Variants in PKNOX2 observed in about 807,000 individuals in gnomAD.
PKNOX2 encodes homeobox protein PKNOX2.
A neutral mutation model predicts 53.1 loss-of-function variants in PKNOX2; 14 were observed. The ratio of observed to expected loss-of-function variants is 0.26; its 90% confidence interval spans 0.17 to 0.41. The LOEUF (loss-of-function observed/expected upper bound fraction) is 0.41, where lower values mean the gene tolerates loss of function less well. Ranked by LOEUF, PKNOX2 falls within the 10% of genes least tolerant of loss-of-function variation. The pLI is 1.00. For missense variants in PKNOX2, 496 were observed against 602.8 expected (o/e 0.82, Z 1.85); for synonymous variants, 257 against 242.8 (o/e 1.06, Z -0.54).
intron 1 of PKNOX2, among the ~76,000 whole-genome samples, chr11:125,212,307 G>A (rs1939934438): frequency 6.6e-6 from 1 of 152,112 alleles, no homozygotes; most frequent in African/African-American, 2.4e-5. Context: ...TGGTGGATTT[G>A]AGATCCTGGA....
At chr11:125,208,743 T>G (rs1240047437) in intron 1 of PKNOX2, among the ~76,000 whole-genome samples, 1 of 151,680 alleles carries the variant, frequency 6.6e-6, no homozygotes, top group East Asian at 1.9e-4. Flanking sequence ...AATTCCAAGA[T>G]TCATACAGCT....
At chr11:125,428,380 A>C (rs925596649) in intron 10 of PKNOX2, among the ~76,000 whole-genome samples, 1 of 152,190 alleles carries the variant, frequency 6.6e-6, no homozygotes, top group Admixed American at 6.5e-5. Context: ...CTTCATCTGC[A>C]AAGTGGGAAT....
chr11:125,320,421 A>G (rs1301158713), intron 2 of PKNOX2, among the ~76,000 whole-genome samples: 1 of 152,122 alleles, frequency 6.6e-6, no homozygotes, highest in Non-Finnish European at 1.5e-5. Context: ...AGGAGCTGAG[A>G]GGATGAATGG....
intron 1 of PKNOX2, among the ~76,000 whole-genome samples, chr11:125,189,469 A>G (rs1365747381): frequency 1.1e-4 from 13 of 122,426 alleles, no homozygotes; most frequent in East Asian, 2.4e-4. Context: ...ATATATATAT[A>G]TATATATATA....
rs1273060744 is a variant in PKNOX2 at position 125,422,547 on chromosome 11, A to C, written c.937-6465A>C. Among the ~76,000 whole-genome samples, 3 of 152,034 alleles carry C rather than the reference A, an allele frequency of 2.0e-5. No homozygotes were observed. The highest frequency in any genetic ancestry group is 7.2e-5 in the African/African-American group (3 of 41,386). On this transcript the variant is annotated intron_variant, in intron 10 of 12. Transcript: ENST00000298282. This position sits in a 1 kb window ranked among gnomAD's most constrained non-coding sequence, Gnocchi z 4.1. ...CCCTGCTGGCAATGTGTCCCCAGGG[A>C]AGGAAGAATTGGATTGATGCTTCTC...
chr11:125,314,849 C>T (rs980057995), intron 2 of PKNOX2, among the ~76,000 whole-genome samples: 4 of 152,164 alleles, frequency 2.6e-5, no homozygotes, highest in Non-Finnish European at 5.9e-5. Flanking sequence ...CCCTGAGCAG[C>T]AGCCTCCTTA....
intron 1 of PKNOX2, among the ~76,000 whole-genome samples, chr11:125,168,431 A>T (rs1484849035): frequency 6.6e-6 from 1 of 152,268 alleles, no homozygotes; most frequent in Non-Finnish European, 1.5e-5. Context: ...TTCAGTAGCA[A>T]TAAATTGTAT....
intron 1 of PKNOX2, among the ~76,000 whole-genome samples, chr11:125,210,211 G>C (rs1025113936): frequency 2.0e-5 from 3 of 152,102 alleles, no homozygotes; most frequent in Non-Finnish European, 4.4e-5. Context: ...TCCATCCCAT[G>C]GGCCAGTGGT....
chr11:125,347,674 A>G (rs1951052865), intron 3 of PKNOX2, among the ~76,000 whole-genome samples: 1 of 152,110 alleles, frequency 6.6e-6, no homozygotes, highest in Non-Finnish European at 1.5e-5. Flanking sequence ...TGGGCTCTCT[A>G]AAATGACATT....
intron 2 of PKNOX2, among the ~76,000 whole-genome samples, chr11:125,251,469 T>C (rs532078220): frequency 6.6e-6 from 1 of 152,332 alleles, no homozygotes; most frequent in East Asian, 1.9e-4. Flanking sequence ...TTTTATTTTA[T>C]AGGGAGCAAC....
At chr11:125,300,441 C>T (rs1298181532) in intron 2 of PKNOX2, among the ~76,000 whole-genome samples, 2 of 152,208 alleles carry the variant, frequency 1.3e-5, no homozygotes, top group African/African-American at 4.8e-5. Context: ...GGTTAAGCAG[C>T]TTCCCACAGT....
chr11:125,170,240 C>T (rs540261249), intron 1 of PKNOX2, among the ~76,000 whole-genome samples: 10 of 152,314 alleles, frequency 6.6e-5, no homozygotes, highest in African/African-American at 1.9e-4. Flanking sequence ...CCTTCTGTTC[C>T]GGTGTCTGAT....
In PKNOX2 at chr11:125,431,493, G is replaced by A. The variant is rs1956702956; in HGVS notation, c.*101G>A. 1.5e-5 allele frequency: 17 copies of A among 1,138,128 alleles called. No individual in the cohort carries two copies. The highest frequency in any genetic ancestry group is 2.0e-5 in the Non-Finnish European group (17 of 840,750). 70.5% of individuals were successfully genotyped at this position (1,138,128 alleles called of 1,614,324 possible). On this transcript the variant is annotated 3_prime_UTR_variant, in exon 13 of 13. Transcript: ENST00000298282. Reference sequence around the variant, plus strand: ...GGGACATGGGCAGGAAGCACCGAGGGAGTTGGGCCCTAGCTTCCCCAAATC... The same window carrying A: ...GGGACATGGGCAGGAAGCACCGAGGAAGTTGGGCCCTAGCTTCCCCAAATC...
intron 6 of PKNOX2, among the ~76,000 whole-genome samples, chr11:125,392,586 T>G (rs1203852988): frequency 6.6e-6 from 1 of 152,252 alleles, no homozygotes; most frequent in Non-Finnish European, 1.5e-5. Context: ...CAGACCTGGT[T>G]TAAACATGCT....
intron 1 of PKNOX2, among the ~76,000 whole-genome samples, chr11:125,167,276 GC>G (rs1954957888): frequency 6.6e-6 from 1 of 152,142 alleles, no homozygotes; most frequent in Admixed American, 6.5e-5. Context: ...CACCATCCCA[GC>G]CCCCTGCACC....
chr11:125,192,756 T>C (rs550531111), intron 1 of PKNOX2, among the ~76,000 whole-genome samples: 1 of 152,332 alleles, frequency 6.6e-6, no homozygotes, highest in South Asian at 2.1e-4. Context: ...TCAGCCTCCC[T>C]GTTTCAGAGG....
chr11:125,182,615 C>G (rs4935908), intron 1 of PKNOX2, among the ~76,000 whole-genome samples: 62,013 of 152,092 alleles, frequency 0.41, 12,739 homozygotes, highest in Non-Finnish European at 0.45. Context: ...ACAACAGGCT[C>G]AGCCATCTGA....
intron 2 of PKNOX2, among the ~76,000 whole-genome samples, chr11:125,273,785 T>C (rs1479849675): frequency 6.6e-6 from 1 of 152,226 alleles, no homozygotes; most frequent in African/African-American, 2.4e-5. Flanking sequence ...TCTAACATTC[T>C]ATAGTTTTTG....
intron 2 of PKNOX2, among the ~76,000 whole-genome samples, chr11:125,281,257 C>G (rs548854608): frequency 1.3e-5 from 2 of 152,284 alleles, no homozygotes; most frequent in South Asian, 4.1e-4. Context: ...CGTGGTATGG[C>G]CGTGTGTAGA....
Sources: gnomAD v4.1 joint callset for allele counts (sites outside exome capture counted in the v4.1 genomes callset) on GRCh38, gnomAD v4.1.1 for gene constraint, Gnocchi (gnomAD v3.1) non-coding constraint, MANE v1.5 for transcripts, NCBI Gene and HGNC (gene_info 2026-07-23, HGNC 2026-07-21) for gene names.